Variants in ADAMTS17 observed in about 807,000 individuals in gnomAD.
ADAMTS17 encodes ADAM metallopeptidase with thrombospondin type 1 motif 17.
Under a neutral mutation model 141.5 loss-of-function variants are expected in ADAMTS17, and 113 were observed. The ratio of observed to expected loss-of-function variants is 0.80; its 90% CI spans 0.69 to 0.93. ADAMTS17 has a LOEUF of 0.93. Ranked by LOEUF, ADAMTS17 falls within the 40% of genes least tolerant of loss-of-function variation. The probability of loss-of-function intolerance (pLI) is 0.00; values close to 1 mark genes in which losing one functional copy is unlikely to be tolerated. For synonymous variants in ADAMTS17, 768 were observed against 630.6 expected, an observed-to-expected ratio of 1.22 and a Z score of -3.27; for missense variants, 1,659 against 1,517.9, an observed-to-expected ratio of 1.09 and a Z score of -1.54.
At chr15:100,251,521 C>A (rs112619081) in intron 7 of ADAMTS17, among the ~76,000 whole-genome samples, 1 of 152,176 alleles carries the variant, frequency 6.6e-6, no homozygotes, top group Non-Finnish European at 1.5e-5. Context: ...ATCAGCAGAT[C>A]GAGACCATCC....
rs561313340 is a variant in ADAMTS17 at position 100,258,332 on chromosome 15, C to T, written c.1031+3147G>A. 8.5e-5 allele frequency among the ~76,000 whole-genome samples: 13 copies of T among 152,292 alleles called. No individual in the cohort carries two copies. In the South Asian group the frequency reaches 1.0e-3, roughly 12 times the overall value. ...TGGCTGTACCATTTTACATTCCCAT[C>T]GATGGTGCACAGAAGAGTTCAAATT... On this transcript the variant is annotated intron_variant, in intron 6 of 21. Transcript: ENST00000268070.
chr15:100,146,426 C>G (rs911978080), intron 10 of ADAMTS17, among the ~76,000 whole-genome samples: 3 of 152,176 alleles, frequency 2.0e-5, no homozygotes, highest in Admixed American at 2.0e-4. Flanking sequence ...TATCACCTCC[C>G]CAATCAATAC....
chr15:100,148,050 C>A (rs1444487948), intron 10 of ADAMTS17, among the ~76,000 whole-genome samples: 1 of 152,226 alleles, frequency 6.6e-6, no homozygotes, highest in Non-Finnish European at 1.5e-5. Context: ...TTATTACTCA[C>A]CCTGATCTCC....
At chr15:100,158,593 C>T (rs913818770) in intron 8 of ADAMTS17, among the ~76,000 whole-genome samples, 3 of 147,860 alleles carry the variant, frequency 2.0e-5, no homozygotes, top group African/African-American at 5.0e-5. Context: ...CTCCCCCTTC[C>T]TCCTCCCTCC....
chr15:100,148,484 G>C (rs929047997), intron 10 of ADAMTS17, among the ~76,000 whole-genome samples: 15 of 151,104 alleles, frequency 9.9e-5, no homozygotes, highest in African/African-American at 3.6e-4. Context: ...AATTTTGAAA[G>C]ATATTTTTGC....
intron 7 of ADAMTS17, among the ~76,000 whole-genome samples, chr15:100,249,371 C>G (rs1405517635): frequency 6.6e-6 from 1 of 152,206 alleles, no homozygotes; most frequent in Non-Finnish European, 1.5e-5. Flanking sequence ...CACAGTGATC[C>G]CCTTTGGGAA....
At chr15:100,048,348 G>A (rs2031872393) in intron 18 of ADAMTS17, among the ~76,000 whole-genome samples, 1 of 152,156 alleles carries the variant, frequency 6.6e-6, no homozygotes, top group African/African-American at 2.4e-5. Flanking sequence ...ACCCAAGAGA[G>A]TCCACAAGGG....
intron 8 of ADAMTS17, among the ~76,000 whole-genome samples, chr15:100,166,280 A>C (rs1295334168): frequency 2.0e-5 from 3 of 152,228 alleles, no homozygotes; most frequent in African/African-American, 2.4e-5. Flanking sequence ...TTATGATACA[A>C]TACCATGATG....
intron 14 of ADAMTS17, among the ~76,000 whole-genome samples, chr15:100,096,918 C>T (rs1332511536): frequency 2.0e-5 from 3 of 152,208 alleles, no homozygotes; most frequent in Non-Finnish European, 4.4e-5. Context: ...AACCAGTAGT[C>T]TCAGAACATA....
intron 10 of ADAMTS17, among the ~76,000 whole-genome samples, chr15:100,143,910 G>T (rs1596547662): frequency 6.6e-6 from 1 of 152,280 alleles, no homozygotes; most frequent in Admixed American, 6.5e-5. Flanking sequence ...GCTATGAATT[G>T]CGAGTGGCAG....
At chr15:100,270,340 G>C (rs949859359) in intron 4 of ADAMTS17, among the ~76,000 whole-genome samples, 1 of 150,740 alleles carries the variant, frequency 6.6e-6, no homozygotes, top group Non-Finnish European at 1.5e-5. Context: ...AAGACCTAGA[G>C]GAGATGGCCC....
intron 6 of ADAMTS17, among the ~76,000 whole-genome samples, chr15:100,255,109 T>C (rs1461516666): frequency 6.6e-6 from 1 of 152,158 alleles, no homozygotes; most frequent in East Asian, 1.9e-4. Flanking sequence ...TGAAACCTGG[T>C]CCAGCCCTGG....
intron 18 of ADAMTS17, among the ~76,000 whole-genome samples, chr15:100,001,277 A>G (rs1239019355): frequency 1.3e-5 from 2 of 152,144 alleles, no homozygotes; most frequent in Admixed American, 6.6e-5. Context: ...TGGGAAGAAG[A>G]GGCACAGAAT....
chr15:100,267,045 C>T (rs1179006587), intron 4 of ADAMTS17, among the ~76,000 whole-genome samples: 4 of 152,100 alleles, frequency 2.6e-5, no homozygotes, highest in South Asian at 2.1e-4. Flanking sequence ...AGTGCACAAC[C>T]GTGTACTTAC....
intron 3 of ADAMTS17, among the ~76,000 whole-genome samples, chr15:100,291,048 T>A (rs1290191805): frequency 6.6e-6 from 1 of 152,106 alleles, no homozygotes; most frequent in Non-Finnish European, 1.5e-5. Context: ...AAAGAACCTA[T>A]CAACAGAATA....
chr15:99,974,313 G>C lies in ADAMTS17; in HGVS notation c.*89C>G. 1 of 1,559,514 alleles carries C rather than the reference G, an allele frequency of 6.4e-7. No homozygotes were observed. Among genetic ancestry groups the C allele is most frequent in the Non-Finnish European group, 8.8e-7 (1 of 1,136,712 alleles). On this transcript the variant is annotated 3_prime_UTR_variant, in exon 22 of 22. Coordinates refer to ENST00000268070, the MANE Select transcript of ADAMTS17 (RefSeq NM_139057.4). ...GTAGTTGGATTCTTGTGGCAGCCGG[G>C]TGGGGGCGTGGCCACAAGGCTGGTA...
intron 12 of ADAMTS17, among the ~76,000 whole-genome samples, chr15:100,125,068 T>G (rs2037660557): frequency 6.6e-6 from 1 of 152,198 alleles, no homozygotes; most frequent in Non-Finnish European, 1.5e-5. Flanking sequence ...CAACAGCAGT[T>G]CGGACCAGCT....
At chr15:100,067,917 G>A (rs1004232567) in intron 15 of ADAMTS17, among the ~76,000 whole-genome samples, 1 of 152,184 alleles carries the variant, frequency 6.6e-6, no homozygotes, top group Admixed American at 6.5e-5. Context: ...AGGACAGTGG[G>A]TGCAGTGCAC....
At chr15:100,071,106 A>G (rs1332383712) in intron 15 of ADAMTS17, among the ~76,000 whole-genome samples, 1 of 150,518 alleles carries the variant, frequency 6.6e-6, no homozygotes, top group Non-Finnish European at 1.5e-5. Flanking sequence ...CAGAGATACC[A>G]TAAACACCTC....
Sources: gnomAD v4.1 joint callset for allele counts (sites outside exome capture counted in the v4.1 genomes callset) on GRCh38, gnomAD v4.1.1 for gene constraint, MANE v1.5 for transcripts, NCBI Gene and HGNC (gene_info 2026-07-23, HGNC 2026-07-21) for gene names.